Variants in ANTXR2 observed in about 807,000 individuals in gnomAD.
ANTXR2 encodes ANTXR cell adhesion molecule 2.
ANTXR2 carries 44 observed loss-of-function variants against 73.7 expected under a neutral mutation model. That is an observed-to-expected ratio of 0.60 (90% CI 0.47 to 0.77). ANTXR2 has a LOEUF of 0.77. Ranked by LOEUF, ANTXR2 falls within the 30% of genes least tolerant of loss-of-function variation. The probability of loss-of-function intolerance (pLI) is 0.00; values close to 1 mark genes in which losing one functional copy is unlikely to be tolerated. For missense variants in ANTXR2, 604 were observed against 592.5 expected, an observed-to-expected ratio of 1.02 and a Z score of -0.20; for synonymous variants, 217 against 205.9, an observed-to-expected ratio of 1.05 and a Z score of -0.46.
At chr4:79,995,607 A>G (rs545945911) in intron 12 of ANTXR2, among the ~76,000 whole-genome samples, 1 of 152,038 alleles carries the variant, frequency 6.6e-6, no homozygotes, top group African/African-American at 2.4e-5. Flanking sequence ...TACATATTAC[A>G]ATGTTTCCAC....
chr4:79,945,865 T>A (rs895720642), intron 16 of ANTXR2, among the ~76,000 whole-genome samples: 9 of 152,264 alleles, frequency 5.9e-5, no homozygotes, highest in African/African-American at 2.2e-4. Context: ...GCTCACTGAA[T>A]AATGGTCCTA....
At chr4:79,977,399 A>G in intron 16 of ANTXR2, 1 of 920,714 alleles carries the variant, frequency 1.1e-6, no homozygotes, top group Non-Finnish European at 1.5e-6. Flanking sequence ...CAGAATTGTA[A>G]AGAATTTCTT....
At chr4:80,070,499 G>A (rs565364393) in intron 2 of ANTXR2, among the ~76,000 whole-genome samples, 1 of 152,162 alleles carries the variant, frequency 6.6e-6, no homozygotes, top group Non-Finnish European at 1.5e-5. Flanking sequence ...TTCTGCCTTT[G>A]ACATTTAGGG....
In ANTXR2 at chr4:80,032,779, A is replaced by G. The variant is rs115420974; in HGVS notation, c.796+693T>C. On this transcript the variant is annotated intron_variant, in intron 9 of 16. Transcript: ENST00000403729. ...CAAGATGCTCAGAAAACTAAGGTCT[A>G]TTTAAGAGGGAGGGTTTTTTCAGAA... is the stretch of plus-strand genomic sequence containing the variant. Among the ~76,000 whole-genome samples, 773 of 152,034 alleles carry G rather than the reference A, an allele frequency of 5.1e-3. 10 individuals carry two copies. The highest frequency in any genetic ancestry group is 0.018 in the African/African-American group (733 of 41,548).
intron 12 of ANTXR2, 123 bp downstream of exon 12, chr4:80,008,398 A>T: frequency 1.5e-6 from 1 of 656,934 alleles, no homozygotes; most frequent in Non-Finnish European, 2.5e-6. Context: ...AGTGAAGACA[A>T]TTAAAATTCA....
chr4:79,983,249 C>T (rs1578129247), intron 14 of ANTXR2, among the ~76,000 whole-genome samples: 1 of 152,094 alleles, frequency 6.6e-6, no homozygotes, highest in East Asian at 1.9e-4. Context: ...TTGCTTATTA[C>T]TAAATAATAT....
At chr4:79,907,643 A>C (rs1325775197) in intron 16 of ANTXR2, among the ~76,000 whole-genome samples, 176 bp from the exon 17 acceptor site, 2 of 152,190 alleles carry the variant, frequency 1.3e-5, no homozygotes, top group African/African-American at 4.8e-5. Flanking sequence ...GTTCATTCAG[A>C]TCTTTTCCAC....
intron 3 of ANTXR2, among the ~76,000 whole-genome samples, chr4:80,059,757 AAGAGG>A (rs1734156419): frequency 6.6e-6 from 1 of 151,956 alleles, no homozygotes; most frequent in South Asian, 2.1e-4. Context: ...GAGAGGGGAG[AAGAGG>A]AGAGGAGTGA....
At chr4:80,008,053 C>T (rs1407478011) in intron 12 of ANTXR2, among the ~76,000 whole-genome samples, 1 of 152,102 alleles carries the variant, frequency 6.6e-6, no homozygotes, top group Non-Finnish European at 1.5e-5. Context: ...AACAGATATG[C>T]TGACAATTGT....
intron 16 of ANTXR2, among the ~76,000 whole-genome samples, chr4:79,934,085 G>C (rs1368210900): frequency 2.0e-5 from 3 of 152,006 alleles, no homozygotes; most frequent in African/African-American, 7.3e-5. Context: ...ATAATTCTGA[G>C]TTTTCTTCTC....
chr4:80,067,041 T>C (rs1426980280), intron 3 of ANTXR2, among the ~76,000 whole-genome samples: 1 of 151,854 alleles, frequency 6.6e-6, no homozygotes, highest in African/African-American at 2.4e-5. Context: ...CCGTCTCTAC[T>C]AAAAAATACA....
At chr4:80,069,620 C>A in intron 2 of ANTXR2, 113 bp from the exon 3 acceptor site, 1 of 764,548 alleles carries the variant, frequency 1.3e-6, no homozygotes, top group East Asian at 2.8e-5. Flanking sequence ...ATGGTCCAGG[C>A]TTCTTTTAAA....
At chr4:79,974,063 A>C (rs1473680051) in intron 16 of ANTXR2, among the ~76,000 whole-genome samples, 1 of 152,206 alleles carries the variant, frequency 6.6e-6, no homozygotes, top group Non-Finnish European at 1.5e-5. Flanking sequence ...CAATTTATTA[A>C]AAATCCTTGG....
chr4:79,909,839 G>A lies in ANTXR2; in HGVS notation c.1429-2372C>T, dbSNP rs183066103. Among the ~76,000 whole-genome samples, 35 of 152,180 alleles carry A rather than the reference G, an allele frequency of 2.3e-4. No individual in the cohort carries two copies. In the East Asian group the frequency reaches 5.4e-3, roughly 24 times the overall value. Reference sequence around the variant, plus strand: ...CAAAAATTTAAAAGGAGGTGACTTCGGGAAATCTGTTCAAGAGTCACTGTT... The same window carrying A: ...CAAAAATTTAAAAGGAGGTGACTTCAGGAAATCTGTTCAAGAGTCACTGTT... On this transcript the variant is annotated intron_variant, in intron 16 of 16. Transcript: ENST00000403729.
intron 6 of ANTXR2, among the ~76,000 whole-genome samples, chr4:80,054,771 T>C (rs1733917108): frequency 6.6e-6 from 1 of 151,710 alleles, no homozygotes; most frequent in African/African-American, 2.4e-5. Flanking sequence ...TTTCATTAGA[T>C]GGACTTTCAT....
intron 16 of ANTXR2, among the ~76,000 whole-genome samples, chr4:79,963,212 G>C (rs1729212778): frequency 6.6e-6 from 1 of 152,134 alleles, no homozygotes; most frequent in African/African-American, 2.4e-5. Context: ...GTGTGAGCCT[G>C]AAAATTCACA....
At chr4:79,919,424 T>C (rs1018912803) in intron 16 of ANTXR2, among the ~76,000 whole-genome samples, 3 of 152,108 alleles carry the variant, frequency 2.0e-5, no homozygotes, top group Non-Finnish European at 4.4e-5. Context: ...CCAGGGTGTG[T>C]CTTCAAAGGT....
At chr4:80,014,511 A>G (rs924724060) in intron 11 of ANTXR2, among the ~76,000 whole-genome samples, 2 of 152,178 alleles carry the variant, frequency 1.3e-5, no homozygotes, top group African/African-American at 2.4e-5. Flanking sequence ...GATTGCAGTG[A>G]GCCAAACTGG....
intron 16 of ANTXR2, among the ~76,000 whole-genome samples, chr4:79,956,316 AACT>A (rs1338756660): frequency 1.3e-5 from 2 of 152,138 alleles, no homozygotes; most frequent in Non-Finnish European, 2.9e-5. Flanking sequence ...TCAGGTTCAA[AACT>A]GAAATTCAAA....
Sources: gnomAD v4.1 joint callset for allele counts (sites outside exome capture counted in the v4.1 genomes callset) on GRCh38, gnomAD v4.1.1 for gene constraint, MANE v1.5 for transcripts, NCBI Gene and HGNC (gene_info 2026-07-23, HGNC 2026-07-21) for gene names.